The following FDPS variants were observed in gnomAD, a reference collection of about 807,000 sequenced individuals.
FDPS encodes farnesyl diphosphate synthase, also known as farnesyl pyrophosphate synthase.
Under a neutral mutation model 49.5 loss-of-function variants are expected in FDPS, and 29 were observed. That is an observed-to-expected ratio of 0.59 (90% CI 0.44 to 0.80). The LOEUF (loss-of-function observed/expected upper bound fraction) is 0.80, where lower values mean the gene tolerates loss of function less well. FDPS is among the 30% of genes least tolerant of loss of function. FDPS has a pLI of 0.00. For synonymous variants in FDPS, 172 were observed against 206.4 expected, an observed-to-expected ratio of 0.83 and a Z score of 1.43; for missense variants, 414 against 525.6, an observed-to-expected ratio of 0.79 and a Z score of 2.08.
At chr1:155,312,023 G>A (rs1648853777) in intron 3 of FDPS, among the ~76,000 whole-genome samples, 1 of 152,016 alleles carries the variant, frequency 6.6e-6, no homozygotes, top group South Asian at 2.1e-4. Flanking sequence ...AAATTTACTA[G>A]GGTAGACCAT....
chr1:155,314,631 C>T (rs1306887513), intron 4 of FDPS, among the ~76,000 whole-genome samples: 5 of 151,958 alleles, frequency 3.3e-5, no homozygotes, highest in East Asian at 1.9e-4. Flanking sequence ...CCTACCACCA[C>T]GCCCGGCTTT....
At chr1:155,311,627 A>G (rs1013319524) in intron 3 of FDPS, among the ~76,000 whole-genome samples, 3 of 152,198 alleles carry the variant, frequency 2.0e-5, no homozygotes, top group African/African-American at 7.2e-5. Context: ...GACCTGAACA[A>G]GCCAGTCATC....
At chr1:155,314,270 C>T (rs1649091238) in intron 4 of FDPS, among the ~76,000 whole-genome samples, 1 of 151,508 alleles carries the variant, frequency 6.6e-6, no homozygotes, top group Admixed American at 6.6e-5. Flanking sequence ...ACTGCAATCT[C>T]TGCCTCTGGA....
chr1:155,310,727 A>G (rs1198150696), intron 3 of FDPS, among the ~76,000 whole-genome samples: 4 of 152,106 alleles, frequency 2.6e-5, no homozygotes, highest in Non-Finnish European at 5.9e-5. Flanking sequence ...GGGTCATCCA[A>G]ACTGCTTTGC....
chr1:155,314,811 T>C (rs1649152233), intron 4 of FDPS, among the ~76,000 whole-genome samples: 1 of 149,342 alleles, frequency 6.7e-6, no homozygotes, highest in East Asian at 2.0e-4. Flanking sequence ...CCCTAATAAA[T>C]AGAAAGTGCT....
chr1:155,315,445 T>C (rs938474376), intron 4 of FDPS, among the ~76,000 whole-genome samples: 4 of 152,120 alleles, frequency 2.6e-5, no homozygotes, highest in Non-Finnish European at 5.9e-5. Flanking sequence ...TTTGGGAGGC[T>C]GAGGCGGGCG....
Position 155,318,684 on chromosome 1 carries a change from T to A in FDPS, c.704T>A (p.Ile235Asn). Residue 235 changes from isoleucine to asparagine, a missense_variant, in exon 7 of 11, where the codon ATT becomes AAT. By Grantham distance (149) the Ile-to-Asn change is moderately radical (BLOSUM62 -3). Transcript: ENST00000368356. This position sits in a 1 kb window ranked among gnomAD's most constrained non-coding sequence, Gnocchi z 4.2. ...LFLQSSYQTE[I>N]GQTLDLLTAP... The stretch of plus-strand genomic sequence containing the variant: ...GCTTAGAGTTCCTATCAGACTGAGA[T>A]TGGGCAGACCCTGGACCTCCTCACA... 3 of 1,613,328 alleles carry A rather than the reference T, an allele frequency of 1.9e-6. No individual in the cohort carries two copies. Among genetic ancestry groups the A allele is most frequent in the Middle Eastern group, 1.7e-4 (1 of 6,060 alleles).
At chr1:155,315,017 T>C (rs1445924460) in intron 4 of FDPS, among the ~76,000 whole-genome samples, 1 of 152,134 alleles carries the variant, frequency 6.6e-6, no homozygotes, top group South Asian at 2.1e-4. Flanking sequence ...CAATTAAACA[T>C]GTGCCTTTGA....
At chr1:155,309,708 G>C in intron 1 of FDPS, 81 bp from the exon 2 acceptor site, 3 of 1,277,948 alleles carry the variant, frequency 2.3e-6, no homozygotes, top group Non-Finnish European at 3.2e-6. Context: ...GGAGTTATCT[G>C]GGGAGCTGCC....
intron 3 of FDPS, 101 bp downstream of exon 3, chr1:155,310,306 G>C (rs899995646): frequency 1.0e-6 from 1 of 994,384 alleles, no homozygotes; most frequent in Non-Finnish European, 1.5e-6. Context: ...ACAGATGTGA[G>C]AGAAAGCTTT....
chr1:155,319,911 C>T lies in FDPS; in HGVS notation c.1042C>T (p.Gln348Ter), dbSNP rs1376623111. 3 of 1,614,022 alleles carry T rather than the reference C, an allele frequency of 1.9e-6. No individual in the cohort carries two copies. The highest frequency in any genetic ancestry group is 2.7e-5 in the African/African-American group (2 of 74,924). Reference sequence around the variant, plus strand: ...GTGTCTGCAACGGGCCACTCCAGAACAGTACCAGATCCTGAAGGTGCCTGA... The same window carrying T: ...GTGTCTGCAACGGGCCACTCCAGAATAGTACCAGATCCTGAAGGTGCCTGA... ...VQCLQRATPE[Q>*]YQILKENYGQ... The change falls in exon 10 of 11, where the codon CAG becomes TAG. Residue 348 changes from glutamine to a stop codon, truncating the protein, a stop_gained. Coordinates refer to ENST00000368356, the MANE Select transcript of FDPS (RefSeq NM_002004.4). LOFTEE classifies it low-confidence loss of function (END_TRUNC).
rs1171542611 is a variant in FDPS, at chr1:155,309,887, C to A, written c.98C>A (p.Pro33His). 6.3e-7 allele frequency: 1 copy of A among 1,593,414 alleles called. No individual in the cohort carries two copies. The highest frequency in any genetic ancestry group is 8.6e-7 in the Non-Finnish European group (1 of 1,169,060). ...AGGTGGCTGGGTTCCCTACGGCGGC[C>A]CTCCCTGGTGCACGGGTACCCAGTC... ...RERWLGSLRR[P>H]SLVHGYPVLA... Residue 33 changes from proline (P) to histidine (H), a missense_variant, in exon 2 of 11, where the codon CCC (proline) becomes CAC (histidine). Coordinates refer to ENST00000368356, the MANE Select transcript of FDPS (RefSeq NM_002004.4).
At chr1:155,312,772 G>A (rs1042008620) in intron 4 of FDPS, 6 of 179,252 alleles carry the variant, frequency 3.3e-5, no homozygotes, top group African/African-American at 1.2e-4. Flanking sequence ...CTGAGTTCTG[G>A]AGTTCGAGAC....
In FDPS at chr1:155,309,843, C is replaced by A; in HGVS notation, c.54C>A (p.Pro18=). The A allele has an allele frequency of 6.3e-7, 1 of 1,583,716 alleles. No homozygotes were observed. The highest frequency in any genetic ancestry group is 2.3e-5 in the East Asian group (1 of 43,804). Residue 18 remains proline, a synonymous_variant, in exon 2 of 11, where the codon CCC becomes CCA. Coordinates refer to ENST00000368356, the MANE Select transcript of FDPS (RefSeq NM_002004.4). ...TGGGGGTCTTCCTGCTGCCAGCCCC[C>A]TACTGGGCACCCCGGGAGAGGTGGC... ...RSVGVFLLPA[P]YWAPRERWLG... is the part of the protein sequence containing the mutation.
intron 3 of FDPS, 50 bp downstream of exon 3, chr1:155,310,255 T>A: frequency 1.3e-6 from 2 of 1,574,738 alleles, no homozygotes; most frequent in Non-Finnish European, 8.7e-7. Flanking sequence ...AGTTGCTCTG[T>A]ACCTGTGTGG....
rs369357420 is a variant in FDPS at position 155,320,563 on chromosome 1, C to G, written c.1214C>G (p.Ala405Gly). The G allele has an allele frequency of 1.2e-6, 2 of 1,614,072 alleles. No homozygotes were observed. The highest frequency in any genetic ancestry group is 1.7e-6 in the Non-Finnish European group (2 of 1,180,036). The change falls in exon 11 of 11, where the codon GCC becomes GGC. Residue 405 changes from alanine to glycine, a missense_variant. Ala to Gly is a moderately conservative substitution (Grantham distance 60, BLOSUM62 0). Coordinates refer to ENST00000368356, the MANE Select transcript of FDPS (RefSeq NM_002004.4). ...IEQYAAPLPP[A>G]VFLGLARKIY... ...CAGTACGCAGCACCCCTGCCCCCAG[C>G]CGTCTTTCTGGGGCTTGCGCGCAAA...
chr1:155,316,675 C>T (rs1368766065), intron 4 of FDPS, among the ~76,000 whole-genome samples: 1 of 151,836 alleles, frequency 6.6e-6, no homozygotes, highest in Non-Finnish European at 1.5e-5. Context: ...CCTGTAGTCC[C>T]AGCTACTTGG....
chr1:155,313,360 G>T (rs1017076018), intron 4 of FDPS, among the ~76,000 whole-genome samples: 1 of 152,208 alleles, frequency 6.6e-6, no homozygotes, highest in East Asian at 1.9e-4. Flanking sequence ...GTGGCAGGGG[G>T]ACTGGGTTCT....
At chr1:155,320,372 G>A (rs779018196) in intron 10 of FDPS, 37 bp from the exon 11 acceptor site, 8 of 1,579,952 alleles carry the variant, frequency 5.1e-6, no homozygotes, top group African/African-American at 1.3e-5. Flanking sequence ...CTCTGGGGAA[G>A]GCCAAGCCCG....
Sources: allele counts gnomAD v4.1 joint callset (sites outside exome capture counted in the v4.1 genomes callset), GRCh38; gene constraint gnomAD v4.1.1; non-coding constraint Gnocchi (gnomAD v3.1); transcripts MANE v1.5; gene names NCBI Gene and HGNC (gene_info 2026-07-23, HGNC 2026-07-21).